Variants in ROCK2 observed in about 807,000 individuals in gnomAD.
The protein encoded by ROCK2 is Rho associated coiled-coil containing protein kinase 2.
A neutral mutation model predicts 195.1 loss-of-function variants in ROCK2; 61 were observed. The observed-to-expected ratio is 0.31, with a 90% CI of 0.25 to 0.39. The LOEUF (loss-of-function observed/expected upper bound fraction) is 0.39, where lower values mean the gene tolerates loss of function less well. Among genes scored for constraint, ROCK2 ranks in the 10% least tolerant of loss-of-function variants. ROCK2 has a pLI of 1.00. For synonymous variants in ROCK2, 504 were observed against 545.5 expected, an observed-to-expected ratio of 0.92 and a Z score of 1.06; for missense variants, 1,109 against 1,637.4, an observed-to-expected ratio of 0.68 and a Z score of 5.57.
At chr2:11,299,102 A>G (rs1667627873) in intron 1 of ROCK2, among the ~76,000 whole-genome samples, 1 of 151,278 alleles carries the variant, frequency 6.6e-6, no homozygotes. Flanking sequence ...CTCTGTCTCT[A>G]CTAAAAAAAA....
intron 29 of ROCK2, 36 bp downstream of exon 29, chr2:11,194,220 G>A: frequency 2.2e-6 from 2 of 912,836 alleles, no homozygotes; most frequent in Non-Finnish European, 3.3e-6. Flanking sequence ...TACTTTAAAA[G>A]ATATAGTTTC....
chr2:11,296,610 T>C (rs1667545324), intron 1 of ROCK2, among the ~76,000 whole-genome samples: 1 of 152,188 alleles, frequency 6.6e-6, no homozygotes, highest in South Asian at 2.1e-4. Flanking sequence ...ACACTATGCA[T>C]TTAAAGATTA....
intron 32 of ROCK2, among the ~76,000 whole-genome samples, chr2:11,184,006 C>T (rs1663102261): frequency 1.3e-5 from 2 of 152,148 alleles, no homozygotes; most frequent in African/African-American, 4.8e-5. Context: ...CTTTTAAATC[C>T]TTCTATGTAA....
chr2:11,237,235 G>C (rs1665241707), intron 4 of ROCK2, among the ~76,000 whole-genome samples: 1 of 152,118 alleles, frequency 6.6e-6, no homozygotes, highest in South Asian at 2.1e-4. Context: ...AGGCTGATAT[G>C]AGGACCAAAA....
Position 11,235,568 on chromosome 2 carries a change from A to G in ROCK2, c.723+134T>C, listed in dbSNP as rs1665174665. On this transcript the variant is annotated intron_variant, in intron 5 of 32. Transcript: ENST00000315872. This position sits in a 1 kb window ranked among gnomAD's most constrained non-coding sequence, Gnocchi z 4.2. The stretch of plus-strand genomic sequence containing the variant: ...GTTAAGGAAATGTTTTAAGTTGGTT[A>G]TATCTTGTTTGGGTGCTATACAGTT... 8.4e-6 allele frequency: 7 copies of G among 832,088 alleles called. No individual in the cohort carries two copies. Among genetic ancestry groups the G allele is most frequent in the Non-Finnish European group, 9.3e-6 (5 of 539,202 alleles). 51.5% of individuals were successfully genotyped at this position (832,088 alleles called of 1,614,324 possible).
At chr2:11,231,036 A>T (rs1287206239) in intron 5 of ROCK2, among the ~76,000 whole-genome samples, 1 of 152,186 alleles carries the variant, frequency 6.6e-6, no homozygotes, top group African/African-American at 2.4e-5. Flanking sequence ...ATTTAAAATA[A>T]TCTGAGAAAC....
At chr2:11,260,851 G>C (rs1460704892) in intron 3 of ROCK2, among the ~76,000 whole-genome samples, 1 of 152,176 alleles carries the variant, frequency 6.6e-6, no homozygotes, top group Non-Finnish European at 1.5e-5. Flanking sequence ...GATGGCTTTT[G>C]AATATGAGAA....
rs368823537 is a variant in ROCK2 at position 11,296,004 on chromosome 2, A to AGGGGAGAGGGGGGG, written c.142-8269_142-8268insCCCCCCCTCTCCCC. On this transcript the variant is annotated intron_variant, in intron 1 of 32. Coordinates refer to ENST00000315872, the MANE Select transcript of ROCK2 (RefSeq NM_004850.5). ...AGAGAGAGAGAGGAGAGAGAGAGAG[A>AGGGGAGAGGGGGGG]GGAGAGAGAGAGAGAGAGAGAGAGA... Among the ~76,000 whole-genome samples, 6 of 32,812 alleles carry AGGGGAGAGGGGGGG rather than the reference A, an allele frequency of 1.8e-4. No individual in the cohort carries two copies. The East Asian group carries it at 5.9e-3, about 32-fold the overall frequency. The allele number at this position is 32,812 out of a possible 152,430, so 21.5% of individuals were successfully genotyped here. A position where few individuals can be genotyped will look rare whatever the true frequency, so the allele number is the denominator to read the frequency against.
intron 3 of ROCK2, among the ~76,000 whole-genome samples, chr2:11,273,094 C>CAAAAAA (rs34784074): frequency 9.2e-5 from 2 of 21,754 alleles, no homozygotes; most frequent in African/African-American, 3.0e-4. Flanking sequence ...AAATAAGGGT[C>CAAAAAA]AAAAAAAAAA....
chr2:11,344,429 G>C lies in ROCK2; in HGVS notation c.-293C>G. 1 of 1,056,800 alleles carries C rather than the reference G, an allele frequency of 9.5e-7. No individual in the cohort carries two copies. The highest frequency in any genetic ancestry group is 1.7e-5 in the African/African-American group (1 of 59,706). 65.5% of individuals were successfully genotyped at this position (1,056,800 alleles called of 1,614,324 possible). ...CCGCCGGTCCGCTGGTCCTCAGCGA[G>C]TGCCCGCAGGAGTCCTCGGGCGGGA... On this transcript the variant is annotated 5_prime_UTR_variant, in exon 1 of 33. Coordinates refer to ENST00000315872, the MANE Select transcript of ROCK2 (RefSeq NM_004850.5). This position sits in a 1 kb window ranked among gnomAD's most constrained non-coding sequence, Gnocchi z 5.4.
At position 11,344,248 on chromosome 2, in the gene ROCK2, C is replaced by G. The variant is rs556029751; in HGVS notation, c.-112G>C. On this transcript the variant is annotated 5_prime_UTR_variant, in exon 1 of 33. Transcript: ENST00000315872. This position sits in a 1 kb window ranked among gnomAD's most constrained non-coding sequence, Gnocchi z 5.4. The stretch of plus-strand genomic sequence containing the variant: ...CGGCCGGGACTCCACCCGGGCCCAC[C>G]GCCTGCCTCTAGCTCCGGCTTCGGG... The G allele has an allele frequency of 7.7e-7, 1 of 1,303,898 alleles. No individual in the cohort carries two copies. The highest frequency in any genetic ancestry group is 9.7e-7 in the Non-Finnish European group (1 of 1,029,794). 80.8% of individuals were successfully genotyped at this position (1,303,898 alleles called of 1,614,324 possible).
intron 1 of ROCK2, chr2:11,308,931 A>C (rs1484722539): frequency 6.2e-7 from 1 of 1,611,842 alleles, no homozygotes; most frequent in Non-Finnish European, 8.5e-7. Context: ...CAAACTTTGC[A>C]CAAGGAATGA....
chr2:11,298,728 G>T (rs1667613920), intron 1 of ROCK2, among the ~76,000 whole-genome samples: 1 of 152,074 alleles, frequency 6.6e-6, no homozygotes, highest in Non-Finnish European at 1.5e-5. Flanking sequence ...GTTATGAGAA[G>T]TCACACGACT....
At position 11,192,112 on chromosome 2, in the gene ROCK2, C is replaced by CTT; in HGVS notation, c.4163+34_4163+35dup. The CTT allele has an allele frequency of 8.8e-5, 98 of 1,119,890 alleles. No homozygotes were observed. Among genetic ancestry groups the CTT allele is most frequent in the African/African-American group, 1.5e-4 (9 of 62,012 alleles). 69.4% of individuals were successfully genotyped at this position (1,119,890 alleles called of 1,614,324 possible). A position where few individuals can be genotyped will look rare whatever the true frequency, so the allele number is the denominator to read the frequency against. On this transcript the variant is annotated intron_variant, in intron 32 of 32. Coordinates refer to ENST00000315872, the MANE Select transcript of ROCK2 (RefSeq NM_004850.5). This position sits in a 1 kb window ranked among gnomAD's most constrained non-coding sequence, Gnocchi z 5.0. The stretch of plus-strand genomic sequence containing the variant: ...ATAAATAGCAAAATATTTTAATAGA[C>CTT]TTTTTTTTTTTCCTTACCACATTTT...
chr2:11,289,248 C>T (rs918264483), intron 1 of ROCK2, among the ~76,000 whole-genome samples: 6 of 152,114 alleles, frequency 3.9e-5, no homozygotes, highest in African/African-American at 1.4e-4. Flanking sequence ...TACCCTCCCA[C>T]ACACATACAC....
In ROCK2 at chr2:11,215,586, A is replaced by C. The variant is rs183236586; in HGVS notation, c.1521T>G (p.Leu507=). Residue 507 remains leucine, a synonymous_variant, in exon 14 of 33, where the codon CTT becomes CTG. Transcript: ENST00000315872. The part of the protein sequence containing the change: ...ALRQLEREKA[L]LQHKNAEYQR... ...GATATTCTGCATTTTTGTGCTGAAG[A>C]AGCGCCTTTTCTCTTTCTAACTGTC... is the stretch of plus-strand genomic sequence containing the variant. The C allele has an allele frequency of 2.2e-5, 36 of 1,613,680 alleles. No individual in the cohort carries two copies. In the Admixed American group the frequency reaches 6.0e-4, roughly 27 times the overall value.
At chr2:11,200,922 C>A (rs200112368) in intron 23 of ROCK2, 35 bp downstream of exon 23, 44 of 1,550,862 alleles carry the variant, frequency 2.8e-5, no homozygotes, top group Non-Finnish European at 3.7e-5. Context: ...AGCAATTTAA[C>A]TATAATCCAA....
intron 1 of ROCK2, among the ~76,000 whole-genome samples, chr2:11,290,916 T>A (rs1667343279): frequency 6.6e-6 from 1 of 152,140 alleles, no homozygotes; most frequent in South Asian, 2.1e-4. Context: ...AATCAAGCCT[T>A]GGTCTATGCC....
intron 1 of ROCK2, among the ~76,000 whole-genome samples, chr2:11,288,107 T>A (rs1667254630): frequency 6.6e-6 from 1 of 152,232 alleles, no homozygotes; most frequent in African/African-American, 2.4e-5. Context: ...TAAACCTGCA[T>A]TAATGTTGTG....
Sources: allele counts gnomAD v4.1 joint callset (sites outside exome capture counted in the v4.1 genomes callset), GRCh38; gene constraint gnomAD v4.1.1; non-coding constraint Gnocchi (gnomAD v3.1); transcripts MANE v1.5; gene names NCBI Gene and HGNC (gene_info 2026-07-23, HGNC 2026-07-21).